SUGCT: variants seen among roughly 807,000 people sequenced by gnomAD.
The protein encoded by SUGCT is succinyl-CoA:glutarate-CoA transferase, also known as succinyl-CoA:glutarate CoA-transferase.
Under a neutral mutation model 55.0 loss-of-function variants are expected in SUGCT, and 41 were observed. That is an observed-to-expected ratio of 0.74 (90% CI 0.58 to 0.97). The LOEUF (loss-of-function observed/expected upper bound fraction) is 0.97. Ranked by LOEUF, SUGCT falls within the 50% of genes least tolerant of loss-of-function variation. SUGCT has a pLI of 0.00. For missense variants in SUGCT, 568 were observed against 547.8 expected, an observed-to-expected ratio of 1.04 and a Z score of -0.37; for synonymous variants, 187 against 200.4, an observed-to-expected ratio of 0.93 and a Z score of 0.56.
chr7:40,431,376 G>A (rs751337740), intron 9 of SUGCT, among the ~76,000 whole-genome samples: 1 of 152,084 alleles, frequency 6.6e-6, no homozygotes, highest in Non-Finnish European at 1.5e-5. Flanking sequence ...GAAGTGTGAT[G>A]CTTCCACCTT....
At chr7:40,215,975 G>A (rs144274418) in intron 6 of SUGCT, among the ~76,000 whole-genome samples, 66 of 152,190 alleles carry the variant, frequency 4.3e-4, no homozygotes, top group African/African-American at 1.3e-3. Context: ...TTCTCTATTG[G>A]TAAGTAGAGG....
intron 13 of SUGCT, among the ~76,000 whole-genome samples, chr7:40,760,482 A>G (rs1788477523): frequency 6.6e-6 from 1 of 152,130 alleles, no homozygotes; most frequent in East Asian, 1.9e-4. Flanking sequence ...ACAGAGTTTC[A>G]CTTTGGGAAG....
intron 13 of SUGCT, among the ~76,000 whole-genome samples, chr7:40,849,979 G>A (rs985417896): frequency 6.6e-6 from 1 of 152,100 alleles, no homozygotes; most frequent in African/African-American, 2.4e-5. Context: ...CAAGGGTTTA[G>A]GTGGCATTTG....
At chr7:40,813,433 T>C (rs1054315031) in intron 13 of SUGCT, among the ~76,000 whole-genome samples, 3 of 152,212 alleles carry the variant, frequency 2.0e-5, no homozygotes, top group Middle Eastern at 3.2e-3. Flanking sequence ...TAAATCTTCT[T>C]ATAGAATTGA....
intron 12 of SUGCT, among the ~76,000 whole-genome samples, chr7:40,739,615 T>TC (rs920182641): frequency 6.6e-6 from 1 of 152,090 alleles, no homozygotes; most frequent in Non-Finnish European, 1.5e-5. Context: ...GTTTCTTTTT[T>TC]CCCCCCAGCT....
the SUGCT span, among the ~76,000 whole-genome samples, chr7:40,946,313 G>T: frequency 6.6e-6 from 1 of 152,150 alleles, no homozygotes; most frequent in Admixed American, 6.5e-5. Flanking sequence ...CATAGTGGGT[G>T]GAGGGGTAAG....
the SUGCT span, among the ~76,000 whole-genome samples, chr7:40,894,952 A>G: frequency 6.6e-6 from 1 of 152,228 alleles, no homozygotes; most frequent in East Asian, 1.9e-4. Flanking sequence ...CAGCAATCCC[A>G]TTATTGAGTA....
At chr7:40,249,312 G>GCTATCTATATCTATATATATATAT (rs1421104147) in intron 7 of SUGCT, among the ~76,000 whole-genome samples, 1,947 of 21,934 alleles carry the variant, frequency 0.089, 68 homozygotes, top group Middle Eastern at 0.16. Flanking sequence ...ACACCAAAAA[G>GCTATCTATATCTATATATATATAT]CTATATATAT....
At chr7:40,186,986 G>A (rs1195732173) in intron 3 of SUGCT, among the ~76,000 whole-genome samples, 3 of 152,182 alleles carry the variant, frequency 2.0e-5, no homozygotes, top group Admixed American at 6.5e-5. Context: ...TGCAGGTCAC[G>A]TATGTTTATT....
intron 9 of SUGCT, among the ~76,000 whole-genome samples, chr7:40,334,561 T>C (rs1422084107): frequency 1.3e-5 from 2 of 152,234 alleles, no homozygotes; most frequent in African/African-American, 4.8e-5. Context: ...TTTTGAGAAG[T>C]GTCTGTTCAT....
intron 13 of SUGCT, among the ~76,000 whole-genome samples, chr7:40,847,072 C>T (rs1457324221): frequency 6.6e-6 from 1 of 152,156 alleles, no homozygotes; most frequent in African/African-American, 2.4e-5. Flanking sequence ...TTTGGAATGT[C>T]TGGAGTGAAT....
chr7:40,542,938 T>C (rs1794777771), intron 12 of SUGCT, among the ~76,000 whole-genome samples: 1 of 152,220 alleles, frequency 6.6e-6, no homozygotes, highest in African/African-American at 2.4e-5. Context: ...CATGTCTTTC[T>C]GGTCAATGTA....
At chr7:40,248,157 A>G (rs1790040344) in intron 7 of SUGCT, among the ~76,000 whole-genome samples, 1 of 151,802 alleles carries the variant, frequency 6.6e-6, no homozygotes. Flanking sequence ...GATTACAGGC[A>G]TGCGCCACCA....
chr7:40,180,805 T>C, intron 1 of SUGCT, 142 bp from the exon 2 acceptor site: 1 of 643,536 alleles, frequency 1.6e-6, no homozygotes, highest in Non-Finnish European at 2.7e-6. Context: ...CAGTATTCTT[T>C]ACTAGAGTCT....
chr7:40,190,324 A>G (rs1785809329), intron 5 of SUGCT, among the ~76,000 whole-genome samples: 1 of 152,134 alleles, frequency 6.6e-6, no homozygotes. Flanking sequence ...ATCTCAGCTC[A>G]CTGCAACCTC....
intron 12 of SUGCT, among the ~76,000 whole-genome samples, chr7:40,561,914 A>G (rs1583986279): frequency 6.8e-6 from 1 of 146,328 alleles, no homozygotes; most frequent in Non-Finnish European, 1.5e-5. Flanking sequence ...CTGGTCTTGA[A>G]CTCCTGACCT....
At chr7:40,638,235 A>G (rs1800105957) in intron 12 of SUGCT, among the ~76,000 whole-genome samples, 1 of 152,250 alleles carries the variant, frequency 6.6e-6, no homozygotes, top group African/African-American at 2.4e-5. Flanking sequence ...GTTGTAAAAC[A>G]TAGGCAATTA....
At chr7:40,595,485 C>T (rs894154804) in intron 12 of SUGCT, among the ~76,000 whole-genome samples, 1 of 152,176 alleles carries the variant, frequency 6.6e-6, no homozygotes, top group African/African-American at 2.4e-5. Flanking sequence ...ATTGATAAAA[C>T]TGACATCACC....
At chr7:40,426,371 A>G (rs1787586913) in intron 9 of SUGCT, among the ~76,000 whole-genome samples, 1 of 152,142 alleles carries the variant, frequency 6.6e-6, no homozygotes, top group African/African-American at 2.4e-5. Context: ...TCTAAGACAA[A>G]TTTCAGTGAC....
Sources: allele counts gnomAD v4.1 joint callset (sites outside exome capture counted in the v4.1 genomes callset), GRCh38; gene constraint gnomAD v4.1.1; transcripts MANE v1.5; gene names NCBI Gene and HGNC (gene_info 2026-07-23, HGNC 2026-07-21).